The following CIT variants were observed in gnomAD, a reference collection of about 807,000 sequenced individuals.
CIT encodes citron rho-interacting serine/threonine kinase, also known as citron Rho-interacting kinase.
CIT carries 79 observed loss-of-function variants against 272.7 expected under a neutral mutation model. The observed-to-expected ratio is 0.29, with a 90% CI of 0.24 to 0.35. The LOEUF is 0.35. CIT is among the 10% of genes least tolerant of loss of function. The pLI is 1.00. For synonymous variants in CIT, 948 were observed against 995.6 expected (o/e 0.95, Z 0.90); for missense variants, 1,909 against 2,618.3 (o/e 0.73, Z 5.91).
At chr12:119,720,367 T>C in intron 30 of CIT, 111 bp downstream of exon 30, 1 of 728,486 alleles carries the variant, frequency 1.4e-6, no homozygotes, top group Non-Finnish European at 2.3e-6. Context: ...ACAAAAAAAG[T>C]ATACTTTGTT....
In CIT at chr12:119,756,281, G is replaced by A. The variant is rs868007180; in HGVS notation, c.2706+1090C>T. Among the ~76,000 whole-genome samples, 23 of 152,294 alleles carry A rather than the reference G, an allele frequency of 1.5e-4. No individual in the cohort carries two copies. The Middle Eastern group carries it at 0.01, about 68-fold the overall frequency. ...AAAACGCACAAAGTAACAAAGGAAC[G>A]AAACACAGGAACGAAGCAGCGAAAG... On this transcript the variant is annotated intron_variant, in intron 22 of 47. Coordinates refer to ENST00000392521, the MANE Select transcript of CIT (RefSeq NM_001206999.2).
intron 9 of CIT, among the ~76,000 whole-genome samples, chr12:119,816,793 T>C (rs574897782): frequency 2.9e-4 from 44 of 152,338 alleles, no homozygotes; most frequent in African/African-American, 1.0e-3. Context: ...TCTAAATCAA[T>C]GGTTCTCAAC....
rs771132857 is a variant in CIT, at chr12:119,714,309, G to A, written c.4194C>T (p.Arg1398=). ...ATCGGTGAGGAATATTGTGGTGCAT[G>A]CGTTCCTTAAGACGCCGACTAAATT... ...PEEFSRRLKE[R]MHHNIPHRFN... Residue 1398 remains arginine, a synonymous_variant, in exon 33 of 48, where the codon CGC becomes CGT. Coordinates refer to ENST00000392521, the MANE Select transcript of CIT (RefSeq NM_001206999.2). The A allele has an allele frequency of 1.1e-5, 17 of 1,613,962 alleles. No homozygotes were observed. The highest frequency in any genetic ancestry group is 6.7e-5 in the African/African-American group (5 of 74,886).
At chr12:119,828,938 T>C (rs969614799) in intron 7 of CIT, among the ~76,000 whole-genome samples, 4 of 149,550 alleles carry the variant, frequency 2.7e-5, no homozygotes, top group Non-Finnish European at 4.4e-5. Context: ...TGAGAATGAC[T>C]AGGGGACAGA....
intron 16 of CIT, among the ~76,000 whole-genome samples, chr12:119,775,063 A>C (rs1254011100): frequency 6.6e-5 from 10 of 152,208 alleles, no homozygotes; most frequent in Admixed American, 6.5e-4. Context: ...ACCTGAGGTC[A>C]GGAGTTCGAG....
intron 28 of CIT, among the ~76,000 whole-genome samples, chr12:119,725,166 T>C (rs1041566449): frequency 5.9e-4 from 90 of 152,198 alleles, no homozygotes; most frequent in African/African-American, 2.0e-3. Context: ...GCTCATGCTA[T>C]AATCCTAGCA....
At position 119,784,333 on chromosome 12, in the gene CIT, C is replaced by T. The variant is rs925790124; in HGVS notation, c.1402-282G>A. ...GGAAGCCACAATCATCATTTTTCACCTGTTTGCTTTTGTTTTTGTTTTGTT... is the reference window on the plus strand; with the variant it reads ...GGAAGCCACAATCATCATTTTTCACTTGTTTGCTTTTGTTTTTGTTTTGTT... On this transcript the variant is annotated intron_variant, in intron 11 of 47. Coordinates refer to ENST00000392521, the MANE Select transcript of CIT (RefSeq NM_001206999.2). The surrounding 1 kb of genome is among the most constrained non-coding windows in gnomAD (Gnocchi z 4.7). The T allele has an allele frequency of 4.8e-5, 68 of 1,412,326 alleles. No individual in the cohort carries two copies. Among genetic ancestry groups the T allele is most frequent in the Middle Eastern group, 2.6e-4 (1 of 3,878 alleles). The allele number at this position is 1,412,326 out of a possible 1,614,324, so 87.5% of individuals were successfully genotyped here. A position where few individuals can be genotyped will look rare whatever the true frequency, so the allele number is the denominator to read the frequency against.
rs563145793 is a variant in CIT at position 119,727,194 on chromosome 12, A to G, written c.3591+1308T>C. On this transcript the variant is annotated intron_variant, in intron 28 of 47. Transcript: ENST00000392521. ...CATTAAGCATCACATAGAAGGATAA[A>G]AATGACAGAGACCCTCTGGCCTTCA... Among the ~76,000 whole-genome samples, 6 of 152,360 alleles carry G rather than the reference A, an allele frequency of 3.9e-5. No individual in the cohort carries two copies. In the East Asian group the frequency reaches 7.7e-4, roughly 20 times the overall value.
At chr12:119,767,688 T>C (rs866105467) in intron 18 of CIT, among the ~76,000 whole-genome samples, 2 of 152,244 alleles carry the variant, frequency 1.3e-5, no homozygotes, top group African/African-American at 2.4e-5. Flanking sequence ...TTTTGAATGA[T>C]GATTTTAACT....
At chr12:119,782,428 C>T in intron 13 of CIT, 90 bp downstream of exon 13, 1 of 1,466,324 alleles carries the variant, frequency 6.8e-7, no homozygotes, top group Non-Finnish European at 9.3e-7. Flanking sequence ...CTCTCCCTTT[C>T]TTCCTATTTC....
chr12:119,766,283 G>A (rs1443308769), intron 19 of CIT, among the ~76,000 whole-genome samples: 5 of 152,266 alleles, frequency 3.3e-5, no homozygotes, highest in Non-Finnish European at 5.9e-5. Flanking sequence ...TACAACAATG[G>A]AGTACTATTC....
At chr12:119,841,521 C>G (rs1566113444) in intron 5 of CIT, among the ~76,000 whole-genome samples, 1 of 152,040 alleles carries the variant, frequency 6.6e-6, no homozygotes, top group Non-Finnish European at 1.5e-5. Context: ...ATTGTGCCCC[C>G]AAATCCATCC....
intron 28 of CIT, among the ~76,000 whole-genome samples, chr12:119,727,210 C>A (rs1958163354): frequency 6.6e-6 from 1 of 152,214 alleles, no homozygotes; most frequent in South Asian, 2.1e-4. Flanking sequence ...CAGAGACCCT[C>A]TGGCCTTCAT....
chr12:119,811,860 T>G (rs1444150398), intron 9 of CIT, among the ~76,000 whole-genome samples: 1 of 152,144 alleles, frequency 6.6e-6, no homozygotes, highest in Non-Finnish European at 1.5e-5. Flanking sequence ...ACGTTTCAAA[T>G]TGCAACTAGT....
intron 21 of CIT, 57 bp from the exon 22 acceptor site, chr12:119,757,602 C>G: frequency 2.5e-6 from 4 of 1,602,130 alleles, no homozygotes; most frequent in Non-Finnish European, 2.6e-6. Context: ...GGGTTGAGCC[C>G]GTTTCCACGG....
At chr12:119,767,456 G>C (rs1962581879) in intron 18 of CIT, among the ~76,000 whole-genome samples, 1 of 152,254 alleles carries the variant, frequency 6.6e-6, no homozygotes, top group Non-Finnish European at 1.5e-5. Context: ...AACAAAGGCA[G>C]CTCTTCATCT....
At chr12:119,734,037 C>G in intron 26 of CIT, 127 bp downstream of exon 26, 1 of 1,013,920 alleles carries the variant, frequency 9.9e-7, no homozygotes, top group South Asian at 1.6e-5. Flanking sequence ...GTTTTTAGCA[C>G]CAGGAGGCTT....
intron 4 of CIT, among the ~76,000 whole-genome samples, chr12:119,854,278 T>A (rs550649290): frequency 6.6e-6 from 1 of 151,408 alleles, no homozygotes; most frequent in East Asian, 2.0e-4. Context: ...TCCGCCCTGC[T>A]TGGCCTCCAA....
chr12:119,789,470 G>A (rs1965114175), intron 10 of CIT, among the ~76,000 whole-genome samples: 1 of 152,108 alleles, frequency 6.6e-6, no homozygotes, highest in East Asian at 1.9e-4. Context: ...TAATAATTCA[G>A]TTAAAATATA....
Sources: allele counts gnomAD v4.1 joint callset (sites outside exome capture counted in the v4.1 genomes callset), GRCh38; gene constraint gnomAD v4.1.1; non-coding constraint Gnocchi (gnomAD v3.1); transcripts MANE v1.5; gene names NCBI Gene and HGNC (gene_info 2026-07-23, HGNC 2026-07-21).